Variants in MOB3B observed in about 807,000 individuals in gnomAD.
The protein encoded by MOB3B is MOB kinase activator-like 2B.
In MOB3B, 7 loss-of-function variants were observed where a neutral mutation model predicts 18.7. The ratio of observed to expected loss-of-function variants is 0.37; its 90% CI spans 0.21 to 0.70. The LOEUF (loss-of-function observed/expected upper bound fraction) is 0.70. Ranked by LOEUF, MOB3B falls within the 30% of genes least tolerant of loss-of-function variation. The probability of loss-of-function intolerance (pLI) is 0.52; values close to 1 mark genes in which losing one functional copy is unlikely to be tolerated. For missense variants in MOB3B, 253 were observed against 281.3 expected (o/e 0.90, Z 0.72); for synonymous variants, 111 against 99.9 (o/e 1.11, Z -0.66).
At chr9:27,500,118 A>G (rs998247595) in intron 1 of MOB3B, among the ~76,000 whole-genome samples, 1 of 152,110 alleles carries the variant, frequency 6.6e-6, no homozygotes, top group Non-Finnish European at 1.5e-5. Context: ...TCACCATTAA[A>G]GTGTGTATAG....
At chr9:27,445,356 G>C (rs946145038) in intron 2 of MOB3B, among the ~76,000 whole-genome samples, 2 of 152,128 alleles carry the variant, frequency 1.3e-5, no homozygotes, top group African/African-American at 2.4e-5. Context: ...TACATAGGGA[G>C]AGCTTACGTA....
chr9:27,332,927 G>A (rs943160182), intron 3 of MOB3B, among the ~76,000 whole-genome samples: 1 of 152,132 alleles, frequency 6.6e-6, no homozygotes, highest in Non-Finnish European at 1.5e-5. Context: ...ATATGCAATC[G>A]GATAATACTG....
At chr9:27,407,700 T>C (rs1193986877) in intron 2 of MOB3B, among the ~76,000 whole-genome samples, 2 of 152,148 alleles carry the variant, frequency 1.3e-5, no homozygotes, top group Non-Finnish European at 2.9e-5. Flanking sequence ...TTATCTCTTC[T>C]GCAGAAAATG....
chr9:27,402,756 C>T (rs939661478), intron 2 of MOB3B, among the ~76,000 whole-genome samples: 5 of 152,200 alleles, frequency 3.3e-5, no homozygotes, highest in Non-Finnish European at 5.9e-5. Context: ...CACTTGGCCC[C>T]GTGGGCCTCC....
At chr9:27,342,799 C>G (rs375520427) in intron 3 of MOB3B, among the ~76,000 whole-genome samples, 275 of 151,748 alleles carry the variant, frequency 1.8e-3, no homozygotes, top group South Asian at 4.2e-3. Context: ...GTGCAGTGGC[C>G]TGATCTCCGC....
chr9:27,387,628 A>T (rs564962815), intron 2 of MOB3B, among the ~76,000 whole-genome samples: 1 of 152,318 alleles, frequency 6.6e-6, no homozygotes, highest in African/African-American at 2.4e-5. Context: ...CTCCTGGTAC[A>T]TTCTTCCTCC....
chr9:27,487,127 T>C (rs1263797470), intron 1 of MOB3B, among the ~76,000 whole-genome samples: 1 of 19,418 alleles, frequency 5.1e-5, no homozygotes, highest in African/African-American at 1.1e-4. Flanking sequence ...TAAGATTCTG[T>C]CTCAAAAATA....
At chr9:27,378,259 G>A (rs1380860141) in intron 2 of MOB3B, 1 of 441,298 alleles carries the variant, frequency 2.3e-6, no homozygotes, top group Non-Finnish European at 4.7e-6. Flanking sequence ...TGAAAAGACT[G>A]TGTGTGACTG....
chr9:27,486,193 T>C (rs1387024324), intron 1 of MOB3B, among the ~76,000 whole-genome samples: 1 of 152,198 alleles, frequency 6.6e-6, no homozygotes, highest in African/African-American at 2.4e-5. Flanking sequence ...TGAAGATACT[T>C]GTGCACAGAG....
intron 1 of MOB3B, among the ~76,000 whole-genome samples, chr9:27,462,479 G>A (rs1171519156): frequency 6.6e-6 from 1 of 152,184 alleles, no homozygotes; most frequent in African/African-American, 2.4e-5. Flanking sequence ...TAAAGCATGA[G>A]TGTATATCAG....
intron 2 of MOB3B, among the ~76,000 whole-genome samples, chr9:27,429,741 T>C (rs1051834732): frequency 1.5e-4 from 23 of 152,108 alleles, no homozygotes; most frequent in Non-Finnish European, 2.4e-4. Context: ...TGGTGGAAGA[T>C]TGCCTAGTTT....
intron 1 of MOB3B, among the ~76,000 whole-genome samples, chr9:27,487,733 G>C (rs530905033): frequency 6.6e-6 from 1 of 152,076 alleles, no homozygotes; most frequent in Non-Finnish European, 1.5e-5. Context: ...TCACTTTTGC[G>C]TATGCCATTA....
At chr9:27,472,518 G>A (rs1819488180) in intron 1 of MOB3B, among the ~76,000 whole-genome samples, 1 of 151,996 alleles carries the variant, frequency 6.6e-6, no homozygotes, top group Non-Finnish European at 1.5e-5. Context: ...TGTTAGGTAA[G>A]CCTCCAGTGG....
intron 2 of MOB3B, among the ~76,000 whole-genome samples, chr9:27,380,908 A>C (rs951051753): frequency 1.7e-4 from 26 of 152,170 alleles, no homozygotes; most frequent in African/African-American, 6.0e-4. Context: ...AAGGAAGTTC[A>C]ATTTAACCTG....
intron 1 of MOB3B, among the ~76,000 whole-genome samples, chr9:27,494,601 G>A (rs56158450): frequency 0.014 from 2,202 of 152,206 alleles, 56 homozygotes; most frequent in African/African-American, 0.05. Context: ...TGCAACCTCC[G>A]CCCTCTGGGT....
intron 2 of MOB3B, among the ~76,000 whole-genome samples, chr9:27,386,527 T>C (rs1821652462): frequency 6.6e-6 from 1 of 152,236 alleles, no homozygotes; most frequent in Non-Finnish European, 1.5e-5. Context: ...CTTCACATGC[T>C]AGAATGCATA....
At chr9:27,374,970 C>T (rs973913840) in intron 2 of MOB3B, among the ~76,000 whole-genome samples, 2 of 152,212 alleles carry the variant, frequency 1.3e-5, no homozygotes, top group Non-Finnish European at 2.9e-5. Context: ...GCTAGGTGGC[C>T]TTCCTTGGGA....
intron 2 of MOB3B, among the ~76,000 whole-genome samples, chr9:27,448,657 G>A (rs1297123187): frequency 1.3e-5 from 2 of 152,132 alleles, no homozygotes; most frequent in Non-Finnish European, 1.5e-5. Context: ...GATTTGGGGT[G>A]GGACACAGCC....
chr9:27,497,510 T>A (rs974462934), intron 1 of MOB3B, among the ~76,000 whole-genome samples: 7 of 151,972 alleles, frequency 4.6e-5, no homozygotes, highest in Non-Finnish European at 8.8e-5. Flanking sequence ...TCCTAAAAAA[T>A]ATATATACAT....
Sources: gnomAD v4.1 joint callset for allele counts (sites outside exome capture counted in the v4.1 genomes callset) on GRCh38, gnomAD v4.1.1 for gene constraint, MANE v1.5 for transcripts, NCBI Gene and HGNC (gene_info 2026-07-23, HGNC 2026-07-21) for gene names.